Variants in ULK1 observed in about 807,000 individuals in gnomAD.
ULK1 encodes serine/threonine-protein kinase ULK1.
A neutral mutation model predicts 117.5 loss-of-function variants in ULK1; 48 were observed. The observed-to-expected ratio is 0.41, with a 90% confidence interval of 0.32 to 0.52. The LOEUF is 0.52. Ranked by LOEUF, ULK1 falls within the 20% of genes least tolerant of loss-of-function variation. ULK1 has a pLI of 0.29. For synonymous variants in ULK1, 790 were observed against 637.8 expected, an observed-to-expected ratio of 1.24 and a Z score of -3.60; for missense variants, 1,387 against 1,473.4, an observed-to-expected ratio of 0.94 and a Z score of 0.96.
In ULK1 at chr12:131,916,935, C is replaced by T. The variant is rs769554067; in HGVS notation, c.2073-18C>T. On this transcript the variant is annotated intron_variant, in intron 20 of 27. Transcript: ENST00000321867. Reference sequence around the variant, plus strand: ...GGGGTGGGCCGGGCACCCAGCACAGCCCTGCACACTCCCACAGGTCTTTCA... The same window carrying T: ...GGGGTGGGCCGGGCACCCAGCACAGTCCTGCACACTCCCACAGGTCTTTCA... 5.0e-6 allele frequency: 8 copies of T among 1,604,500 alleles called. No homozygotes were observed. Among genetic ancestry groups the T allele is most frequent in the Middle Eastern group, 1.7e-4 (1 of 6,006 alleles).
chr12:131,901,274 G>A (rs1434505884), intron 3 of ULK1, among the ~76,000 whole-genome samples: 4 of 151,758 alleles, frequency 2.6e-5, no homozygotes, highest in African/African-American at 4.8e-5. Flanking sequence ...CAGGAGAATC[G>A]CTTGAACCTG....
Position 131,920,079 on chromosome 12 carries a change from G to T in ULK1, c.2904G>T (p.Leu968=). The change falls in exon 26 of 28, where the codon CTG becomes CTT. Residue 968 remains leucine (L), a synonymous_variant. Coordinates refer to ENST00000321867, the MANE Select transcript of ULK1 (RefSeq NM_003565.4). ...QRFFLDKQRL[L]DRIHSITAER... is the part of the protein sequence containing the mutation. ...TCTTCCTGGACAAGCAGCGGCTCCT[G>T]GACCGCATTCACAGCATCACTGCCG... The T allele has an allele frequency of 1.2e-6, 2 of 1,612,814 alleles. No homozygotes were observed. The highest frequency in any genetic ancestry group is 1.7e-6 in the Non-Finnish European group (2 of 1,179,962).
chr12:131,897,964 C>T (rs1275705951), intron 3 of ULK1: 1 of 152,240 alleles, frequency 6.6e-6, no homozygotes, highest in Non-Finnish European at 1.5e-5. Context: ...TCTGTAAGCA[C>T]AGTGGTCGAG....
At position 131,914,776 on chromosome 12, in the gene ULK1, C is replaced by T. The variant is rs117542463; in HGVS notation, c.1373+299C>T. Reference sequence around the variant, plus strand: ...TACCTTTCTTTTAACTCACAGAAGGCTGTGTGGGCCAGTGGGTGTCTGGCA... The same window carrying T: ...TACCTTTCTTTTAACTCACAGAAGGTTGTGTGGGCCAGTGGGTGTCTGGCA... On this transcript the variant is annotated intron_variant, in intron 16 of 27. Transcript: ENST00000321867. 8.0e-3 allele frequency among the ~76,000 whole-genome samples: 1,215 copies of T among 152,312 alleles called. 11 individuals carry two copies. The highest frequency in any genetic ancestry group is 9.9e-3 in the Admixed American group (152 of 15,306).
intron 22 of ULK1, 191 bp from the exon 23 acceptor site, chr12:131,918,306 G>A: frequency 2.9e-6 from 2 of 684,294 alleles, no homozygotes; most frequent in Non-Finnish European, 4.8e-6. Context: ...GGGGGTTGTG[G>A]TGAGTGGCAA....
intron 20 of ULK1, 31 bp from the exon 21 acceptor site, chr12:131,916,922 G>GCAC (rs765269923): frequency 6.9e-7 from 1 of 1,450,948 alleles, no homozygotes; most frequent in Non-Finnish European, 9.3e-7. Flanking sequence ...GGTGGGCCGG[G>GCAC]CACCCAGCAC....
At chr12:131,895,162 T>G in intron 1 of ULK1, 50 bp downstream of exon 1, 1 of 849,750 alleles carries the variant, frequency 1.2e-6, no homozygotes, top group East Asian at 1.3e-4. Context: ...CCCCTGCCCC[T>G]GCATCCCCGC....
chr12:131,918,242 G>A (rs1487950864), intron 22 of ULK1: 20 of 557,182 alleles, frequency 3.6e-5, no homozygotes, highest in Non-Finnish European at 6.4e-5. Flanking sequence ...GATACCCAGA[G>A]GGTCCCTTGG....
chr12:131,919,107 G>A (rs2136412860), intron 23 of ULK1, 105 bp from the exon 24 acceptor site: 2 of 1,350,442 alleles, frequency 1.5e-6, no homozygotes, highest in Non-Finnish European at 2.0e-6. Flanking sequence ...AGCAGGGGAG[G>A]GTACCCTGCC....
intron 15 of ULK1, 110 bp downstream of exon 15, chr12:131,913,946 T>A: frequency 1.0e-6 from 1 of 991,558 alleles, no homozygotes; most frequent in Non-Finnish European, 1.4e-6. Flanking sequence ...CAGAGGCCCC[T>A]GCCTTCTTCT....
Position 131,895,634 on chromosome 12 carries a change from A to C in ULK1, c.145A>C (p.Asn49His). Residue 49 changes from asparagine to histidine, a missense_variant, in exon 2 of 28, where the codon AAC becomes CAC. Coordinates refer to ENST00000321867, the MANE Select transcript of ULK1 (RefSeq NM_003565.4). ...HDLEVAVKCI[N>H]KKNLAKSQTL... ...TTTGGAGGTCGCCGTCAAGTGCATT[A>C]ACAAGAAGAACCTCGCCAAGTCTCA... 6.2e-7 allele frequency: 1 copy of C among 1,614,104 alleles called. No homozygotes were observed. Among genetic ancestry groups the C allele is most frequent in the Non-Finnish European group, 8.5e-7 (1 of 1,180,006 alleles).
At chr12:131,907,430 TG>T in intron 4 of ULK1, 64 bp from the exon 5 acceptor site, 1 of 1,583,100 alleles carries the variant, frequency 6.3e-7, no homozygotes, top group Non-Finnish European at 8.6e-7. Context: ...GTGGGGAGGC[TG>T]GGCAGGGCTG....
At position 131,918,500 on chromosome 12, in the gene ULK1, G is replaced by A. The variant is rs1227392162; in HGVS notation, c.2330G>A (p.Gly777Asp). 1.2e-6 allele frequency: 2 copies of A among 1,609,112 alleles called. No individual in the cohort carries two copies. The highest frequency in any genetic ancestry group is 1.3e-5 in the African/African-American group (1 of 74,832). ...CCTCATCGCCCTCTCCCTGCAGCGG[G>A]CCCCACTGGCTCTGCCAGCTCTTCT... ...QGPRTRMFSA[G>D]PTGSASSSAR... is the part of the protein sequence containing the mutation. The change falls in exon 23 of 28, where the codon GGC becomes GAC. Residue 777 changes from glycine (G) to aspartate (D), a missense_variant. Coordinates refer to ENST00000321867, the MANE Select transcript of ULK1 (RefSeq NM_003565.4).
rs770028247 is a variant in ULK1 at position 131,919,477 on chromosome 12, C to A, written c.2690C>A (p.Ala897Glu). The A allele has an allele frequency of 9.3e-6, 15 of 1,610,138 alleles. No individual in the cohort carries two copies. Among genetic ancestry groups the A allele is most frequent in the Non-Finnish European group, 1.2e-5 (14 of 1,178,692 alleles). The change falls in exon 25 of 28, where the codon GCG becomes GAG. Residue 897 changes from alanine to glutamate, a missense_variant. Ala to Glu is a moderately radical substitution (Grantham distance 107). Coordinates refer to ENST00000321867, the MANE Select transcript of ULK1 (RefSeq NM_003565.4). Reference sequence around the variant, plus strand: ...GATCTGCCTGCCGCCCCCAGCTTCGCGGAACAGCTGGTGCTGTACCTGAAG... The same window carrying A: ...GATCTGCCTGCCGCCCCCAGCTTCGAGGAACAGCTGGTGCTGTACCTGAAG... Reference protein sequence around the residue: ...ISLLSREWGFAEQLVLYLKVA... With the variant: ...ISLLSREWGFEEQLVLYLKVA...
Position 131,920,058 on chromosome 12 carries a change from C to T in ULK1, c.2883C>T (p.Phe961=), listed in dbSNP as rs1189793537. ...QGLSLRLQRF[F]LDKQRLLDRI... is the part of the protein sequence containing the mutation. ...TGAGCCTGCGGCTGCAGCGCTTCTT[C>T]CTGGACAAGCAGCGGCTCCTGGACC... The change falls in exon 26 of 28, where the codon TTC becomes TTT. Residue 961 remains phenylalanine (F), a synonymous_variant. Coordinates refer to ENST00000321867, the MANE Select transcript of ULK1 (RefSeq NM_003565.4). 1 of 1,612,838 alleles carries T rather than the reference C, an allele frequency of 6.2e-7. No homozygotes were observed. The highest frequency in any genetic ancestry group is 8.5e-7 in the Non-Finnish European group (1 of 1,179,976).
intron 20 of ULK1, 67 bp from the exon 21 acceptor site, chr12:131,916,886 G>A (rs1224922069): frequency 2.2e-6 from 3 of 1,338,282 alleles, no homozygotes; most frequent in Non-Finnish European, 3.1e-6. Flanking sequence ...CCTGCAGAGG[G>A]ACCTCTCGAG....
chr12:131,915,444 AG>A (rs1008428950), intron 18 of ULK1, 23 bp downstream of exon 18: 5 of 1,608,214 alleles, frequency 3.1e-6, no homozygotes, highest in South Asian at 1.1e-5. Context: ...CGGAGGGGGG[AG>A]GGGGTGCTAG....
chr12:131,919,059 G>T (rs1174062005), intron 23 of ULK1, among the ~76,000 whole-genome samples, 153 bp from the exon 24 acceptor site: 1 of 151,312 alleles, frequency 6.6e-6, no homozygotes, highest in Admixed American at 6.6e-5. Context: ...AGGGTGTGTG[G>T]GGTGTCGGGC....
chr12:131,920,226 T>C (rs1206755770), intron 26 of ULK1, 90 bp downstream of exon 26: 16 of 1,491,896 alleles, frequency 1.1e-5, no homozygotes, highest in Non-Finnish European at 1.4e-5. Flanking sequence ...GCCCACAGCG[T>C]GGTGAGACTT....
Sources: gnomAD v4.1 joint callset for allele counts (sites outside exome capture counted in the v4.1 genomes callset) on GRCh38, gnomAD v4.1.1 for gene constraint, MANE v1.5 for transcripts, NCBI Gene and HGNC (gene_info 2026-07-23, HGNC 2026-07-21) for gene names.